The following STXBP5L variants were observed in gnomAD, a reference collection of about 807,000 sequenced individuals.
STXBP5L encodes syntaxin-binding protein 5-like.
In STXBP5L, 65 loss-of-function variants were observed where a neutral mutation model predicts 144.5. The ratio of observed to expected loss-of-function variants is 0.45; its 90% CI spans 0.37 to 0.55. The LOEUF (loss-of-function observed/expected upper bound fraction) is 0.55. Among genes scored for constraint, STXBP5L ranks in the 20% least tolerant of loss-of-function variants. The pLI is 0.00. For missense variants in STXBP5L, 1,298 were observed against 1,405.5 expected (o/e 0.92, Z 1.22); for synonymous variants, 505 against 469.6 (o/e 1.08, Z -0.97).
chr3:121,120,834 T>C (rs2044425593), intron 6 of STXBP5L, among the ~76,000 whole-genome samples: 1 of 151,288 alleles, frequency 6.6e-6, no homozygotes, highest in Non-Finnish European at 1.5e-5. Flanking sequence ...TTTGACACTG[T>C]TAGGTCGTGG....
intron 14 of STXBP5L, among the ~76,000 whole-genome samples, chr3:121,241,553 G>A (rs767915951): frequency 6.6e-6 from 1 of 152,110 alleles, no homozygotes; most frequent in Non-Finnish European, 1.5e-5. Context: ...ATAAAGCAGA[G>A]TAGGGAGCTG....
At chr3:120,978,840 C>A (rs9836297) in intron 3 of STXBP5L, among the ~76,000 whole-genome samples, 1 of 152,250 alleles carries the variant, frequency 6.6e-6, no homozygotes, top group African/African-American at 2.4e-5. Flanking sequence ...GTATCAGCAG[C>A]GGTGGCTGCA....
At chr3:121,128,357 G>A (rs561597618) in intron 7 of STXBP5L, among the ~76,000 whole-genome samples, 1 of 152,060 alleles carries the variant, frequency 6.6e-6, no homozygotes, top group Non-Finnish European at 1.5e-5. Flanking sequence ...GAAGGGATCA[G>A]GGGATGATAA....
chr3:120,950,640 C>T (rs1711158382), intron 2 of STXBP5L, among the ~76,000 whole-genome samples: 1 of 151,940 alleles, frequency 6.6e-6, no homozygotes, highest in Non-Finnish European at 1.5e-5. Flanking sequence ...ACCCACTGCT[C>T]AATGAAATAA....
intron 3 of STXBP5L, among the ~76,000 whole-genome samples, chr3:120,989,670 G>A (rs1942641205): frequency 6.6e-6 from 1 of 152,076 alleles, no homozygotes; most frequent in African/African-American, 2.4e-5. Context: ...CGCTCTACTA[G>A]TTTTTGTTTT....
intron 2 of STXBP5L, among the ~76,000 whole-genome samples, chr3:120,932,593 C>CGGT (rs1187666908): frequency 3.9e-5 from 2 of 50,996 alleles, no homozygotes; most frequent in African/African-American, 1.2e-4. Context: ...AAAATTAACA[C>CGGT]TGTTGGGACT....
At chr3:121,208,716 A>T (rs191813703) in intron 10 of STXBP5L, among the ~76,000 whole-genome samples, 1 of 152,296 alleles carries the variant, frequency 6.6e-6, no homozygotes, top group Non-Finnish European at 1.5e-5. Flanking sequence ...GCAGGACACT[A>T]TATTAACTGT....
intron 9 of STXBP5L, chr3:121,158,605 C>T (rs958073843): frequency 1.3e-5 from 2 of 152,064 alleles, no homozygotes; most frequent in Admixed American, 1.3e-4. Context: ...TAGATGCTTA[C>T]TTAGAGATGC....
In STXBP5L at chr3:120,909,518, T is replaced by C; in HGVS notation, c.-8-53T>C. 6 of 1,494,504 alleles carry C rather than the reference T, an allele frequency of 4.0e-6. No individual in the cohort carries two copies. In the South Asian group the frequency reaches 6.2e-5, roughly 16 times the overall value. The allele number at this position is 1,494,504 out of a possible 1,614,324, so 92.6% of individuals were successfully genotyped here. On this transcript the variant is annotated intron_variant, in intron 1 of 26. Coordinates refer to ENST00000471454, the MANE Select transcript of STXBP5L (RefSeq NM_001308330.2). ...GAGAAAGGCTTTTACCAAGGTCTAA[T>C]TGCACGTGTTAAGTCACCTCTTTCC...
chr3:121,295,199 C>G (rs1332027170), intron 19 of STXBP5L, among the ~76,000 whole-genome samples: 1 of 150,870 alleles, frequency 6.6e-6, no homozygotes, highest in Non-Finnish European at 1.5e-5. Context: ...GAGGGGATAA[C>G]TAAAGGAAAA....
At chr3:121,042,720 G>A (rs928176946) in intron 4 of STXBP5L, among the ~76,000 whole-genome samples, 2 of 152,086 alleles carry the variant, frequency 1.3e-5, no homozygotes, top group African/African-American at 4.8e-5. Context: ...GAAAGATATT[G>A]GCAAATGTTC....
chr3:121,087,742 T>A (rs2042567603), intron 5 of STXBP5L, among the ~76,000 whole-genome samples: 1 of 152,032 alleles, frequency 6.6e-6, no homozygotes, highest in Admixed American at 6.6e-5. Context: ...ATTGCTCTGC[T>A]TTTTTCCCCT....
chr3:121,349,829 G>A (rs571513142), intron 20 of STXBP5L, among the ~76,000 whole-genome samples: 7 of 151,824 alleles, frequency 4.6e-5, no homozygotes, highest in African/African-American at 7.3e-5. Flanking sequence ...TCCTCCATCC[G>A]TTTATTTTGA....
intron 2 of STXBP5L, among the ~76,000 whole-genome samples, chr3:120,936,589 C>G (rs1469205804): frequency 6.6e-6 from 1 of 150,972 alleles, no homozygotes; most frequent in Non-Finnish European, 1.5e-5. Flanking sequence ...CTTAGAGACT[C>G]TTTCTTAAAT....
At chr3:121,343,496 A>T (rs554734653) in intron 20 of STXBP5L, among the ~76,000 whole-genome samples, 42 of 152,048 alleles carry the variant, frequency 2.8e-4, no homozygotes, top group Non-Finnish European at 4.4e-4. Context: ...TATCTAGAAA[A>T]CCCCATTGTC....
At chr3:121,212,395 G>A (rs898287973) in intron 10 of STXBP5L, among the ~76,000 whole-genome samples, 11 of 152,122 alleles carry the variant, frequency 7.2e-5, no homozygotes, top group Non-Finnish European at 8.8e-5. Context: ...TTTATATAAG[G>A]TATAAGGAAG....
chr3:120,970,672 C>T (rs1940142075), intron 3 of STXBP5L, among the ~76,000 whole-genome samples: 1 of 152,018 alleles, frequency 6.6e-6, no homozygotes, highest in African/African-American at 2.4e-5. Flanking sequence ...ATGGGTGGCC[C>T]CTGAACTTCC....
intron 3 of STXBP5L, among the ~76,000 whole-genome samples, chr3:120,996,148 AT>A (rs1339022904): frequency 6.6e-6 from 1 of 151,526 alleles, no homozygotes; most frequent in Non-Finnish European, 1.5e-5. Context: ...GTAATACAGT[AT>A]TTTTTTCTGG....
chr3:120,949,052 A>C (rs1559898509), intron 2 of STXBP5L, among the ~76,000 whole-genome samples: 1 of 151,972 alleles, frequency 6.6e-6, no homozygotes, highest in Non-Finnish European at 1.5e-5. Flanking sequence ...ACTTTTCACC[A>C]CATCCACGCC....
Sources: allele counts gnomAD v4.1 joint callset (sites outside exome capture counted in the v4.1 genomes callset), GRCh38; gene constraint gnomAD v4.1.1; transcripts MANE v1.5; gene names NCBI Gene and HGNC (gene_info 2026-07-23, HGNC 2026-07-21).